The following UBTD2 variants were observed in gnomAD, a reference collection of about 807,000 sequenced individuals.
UBTD2 encodes the protein ubiquitin domain-containing protein 2.
Under a neutral mutation model 19.8 loss-of-function variants are expected in UBTD2, and 9 were observed. That is an observed-to-expected ratio of 0.46 (90% confidence interval 0.27 to 0.79). UBTD2 has a LOEUF of 0.79. UBTD2 is among the 30% of genes least tolerant of loss of function. The pLI, the probability that UBTD2 is intolerant of heterozygous loss-of-function variation, is 0.14. For missense variants in UBTD2, 250 were observed against 300.4 expected, an observed-to-expected ratio of 0.83 and a Z score of 1.24; for synonymous variants, 98 against 103.9, an observed-to-expected ratio of 0.94 and a Z score of 0.35.
intron 1 of UBTD2, among the ~76,000 whole-genome samples, chr5:172,251,943 G>A (rs1250946316): frequency 6.6e-6 from 1 of 152,174 alleles, no homozygotes; most frequent in Non-Finnish European, 1.5e-5. Flanking sequence ...TGAGGGAGAT[G>A]ACAATAATAT....
chr5:172,239,402 A>G (rs1772078388), intron 1 of UBTD2, among the ~76,000 whole-genome samples: 1 of 152,006 alleles, frequency 6.6e-6, no homozygotes, highest in Non-Finnish European at 1.5e-5. Context: ...AGCCTGGCCA[A>G]CATGGTGAAA....
At chr5:172,248,510 C>T (rs1009747806) in intron 1 of UBTD2, among the ~76,000 whole-genome samples, 3 of 151,984 alleles carry the variant, frequency 2.0e-5, no homozygotes, top group Non-Finnish European at 4.4e-5. Flanking sequence ...ATTGCTTGAA[C>T]CCAGGAGGCG....
chr5:172,241,670 G>C (rs1159401748), intron 1 of UBTD2, among the ~76,000 whole-genome samples: 1 of 151,950 alleles, frequency 6.6e-6, no homozygotes, highest in Non-Finnish European at 1.5e-5. Context: ...AAAGTATAAG[G>C]CTTTTCTGAC....
At chr5:172,258,325 T>G (rs1219313476) in intron 1 of UBTD2, among the ~76,000 whole-genome samples, 1 of 152,242 alleles carries the variant, frequency 6.6e-6, no homozygotes, top group African/African-American at 2.4e-5. Flanking sequence ...TTCTGGGTTA[T>G]GTAACTCATT....
chr5:172,282,175 C>G (rs568787075), intron 1 of UBTD2, among the ~76,000 whole-genome samples: 2 of 152,302 alleles, frequency 1.3e-5, no homozygotes, highest in Non-Finnish European at 2.9e-5. Context: ...ATGATCAACA[C>G]AATTAGAGGA....
rs934838756 is a variant in UBTD2 at position 172,283,229 on chromosome 5, C to A, written c.70+367G>T. Among the ~76,000 whole-genome samples the A allele has an allele frequency of 6.6e-6, 1 of 152,200 alleles. No homozygotes were observed. Among genetic ancestry groups the A allele is most frequent in the African/African-American group, 2.4e-5 (1 of 41,448 alleles). Reference sequence around the variant, plus strand: ...GGGAACGCATCAAGCTCCCTCCCCCCGCCATCAATTCGCTTTTCTGCAACC... The same window carrying A: ...GGGAACGCATCAAGCTCCCTCCCCCAGCCATCAATTCGCTTTTCTGCAACC... On this transcript the variant is annotated intron_variant, in intron 1 of 2. Coordinates refer to ENST00000393792, the MANE Select transcript of UBTD2 (RefSeq NM_152277.3). This position sits in a 1 kb window ranked among gnomAD's most constrained non-coding sequence, Gnocchi z 4.3.
intron 1 of UBTD2, among the ~76,000 whole-genome samples, chr5:172,263,559 T>C (rs1179749572): frequency 2.0e-5 from 3 of 151,754 alleles, no homozygotes; most frequent in East Asian, 3.9e-4. Flanking sequence ...CTTTGGGAGG[T>C]TGAGGCAGGC....
chr5:172,267,887 A>G (rs1368908847), intron 1 of UBTD2, among the ~76,000 whole-genome samples: 1 of 152,246 alleles, frequency 6.6e-6, no homozygotes, highest in Non-Finnish European at 1.5e-5. Flanking sequence ...TTAAGGTCAT[A>G]AAGAAACGGA....
At chr5:172,249,493 GC>G (rs1167725670) in intron 1 of UBTD2, among the ~76,000 whole-genome samples, 1 of 150,410 alleles carries the variant, frequency 6.6e-6, no homozygotes, top group Non-Finnish European at 1.5e-5. Context: ...ATTCTATGAG[GC>G]CAACATTACC....
chr5:172,247,637 C>A (rs1754907142), intron 1 of UBTD2, among the ~76,000 whole-genome samples: 1 of 152,166 alleles, frequency 6.6e-6, no homozygotes, highest in African/African-American at 2.4e-5. Context: ...ATTAAAGTGT[C>A]AATTCATCAG....
intron 2 of UBTD2, among the ~76,000 whole-genome samples, chr5:172,217,482 T>A (rs10037205): frequency 0.33 from 49,460 of 150,200 alleles, 8,230 homozygotes; most frequent in South Asian, 0.42. Flanking sequence ...TTTAAAAAAA[T>A]TTTTTTTCTT....
intron 1 of UBTD2, among the ~76,000 whole-genome samples, chr5:172,255,886 C>T (rs1381124728): frequency 2.0e-5 from 3 of 152,086 alleles, no homozygotes; most frequent in East Asian, 1.9e-4. Context: ...GTCAGGAGTT[C>T]GAGACCAGCC....
In UBTD2 at chr5:172,211,597, C is replaced by T; in HGVS notation, c.*233G>A. On this transcript the variant is annotated 3_prime_UTR_variant, in exon 3 of 3. Transcript: ENST00000393792. Reference sequence around the variant, plus strand: ...AAATGGTTATCTATTTCTTAACTGCCTTTCAAATTAGAAATTGTAATTACA... The same window carrying T: ...AAATGGTTATCTATTTCTTAACTGCTTTTCAAATTAGAAATTGTAATTACA... 2.3e-6 allele frequency: 1 copy of T among 435,322 alleles called. No homozygotes were observed. Among genetic ancestry groups the T allele is most frequent in the Non-Finnish European group, 4.0e-6 (1 of 249,368 alleles). The allele number at this position is 435,322 out of a possible 1,614,324, so 27.0% of individuals were successfully genotyped here.
At chr5:172,266,273 G>C (rs545285110) in intron 1 of UBTD2, among the ~76,000 whole-genome samples, 1 of 152,170 alleles carries the variant, frequency 6.6e-6, no homozygotes, top group Non-Finnish European at 1.5e-5. Context: ...GAAACAGCAC[G>C]AAAGCCCTAA....
At position 172,223,025 on chromosome 5, in the gene UBTD2, T is replaced by C. The variant is rs142871547; in HGVS notation, c.308-10798A>G. 1.2e-3 allele frequency among the ~76,000 whole-genome samples: 177 copies of C among 151,816 alleles called. 1 individual carries two copies. The highest frequency in any genetic ancestry group is 4.0e-3 in the African/African-American group (167 of 41,370). The stretch of plus-strand genomic sequence containing the variant: ...AATCATGACTGCCTGACTACAGAAA[T>C]GGAAAAAAATCGAACTGAGAAATTC... On this transcript the variant is annotated intron_variant, in intron 2 of 2. Coordinates refer to ENST00000393792, the MANE Select transcript of UBTD2 (RefSeq NM_152277.3).
At chr5:172,236,409 T>A (rs1772010162) in intron 1 of UBTD2, among the ~76,000 whole-genome samples, 1 of 152,228 alleles carries the variant, frequency 6.6e-6, no homozygotes, top group South Asian at 2.1e-4. Context: ...TTACATTTAA[T>A]TCAAATGCGA....
chr5:172,241,413 TA>T (rs1175413571), intron 1 of UBTD2, among the ~76,000 whole-genome samples: 4,499 of 118,254 alleles, frequency 0.038, 201 homozygotes, highest in African/African-American at 0.12. Flanking sequence ...CTGTCTCAAT[TA>T]AAAAAAAAAA....
chr5:172,255,384 G>C (rs1052794928), intron 1 of UBTD2: 2 of 493,412 alleles, frequency 4.1e-6, no homozygotes, highest in African/African-American at 4.0e-5. Context: ...ATGACACCGA[G>C]ACAGGGTCCA....
intron 1 of UBTD2, among the ~76,000 whole-genome samples, chr5:172,256,639 G>A (rs764090908): frequency 5.9e-5 from 9 of 151,362 alleles, no homozygotes; most frequent in Non-Finnish European, 1.2e-4. Context: ...TTCTAAAAGC[G>A]GCCAGGCGAG....
Sources: allele counts gnomAD v4.1 joint callset (sites outside exome capture counted in the v4.1 genomes callset), GRCh38; gene constraint gnomAD v4.1.1; non-coding constraint Gnocchi (gnomAD v3.1); transcripts MANE v1.5; gene names NCBI Gene and HGNC (gene_info 2026-07-23, HGNC 2026-07-21).